Variants in SPEF2 observed in about 807,000 individuals in gnomAD.
SPEF2 encodes sperm flagella and cilia-associated protein 2.
In SPEF2, 187 loss-of-function variants were observed where a neutral mutation model predicts 224.6. The ratio of observed to expected loss-of-function variants is 0.83; its 90% CI spans 0.74 to 0.94. The LOEUF (loss-of-function observed/expected upper bound fraction) is 0.94. Ranked by LOEUF, SPEF2 falls within the 40% of genes least tolerant of loss-of-function variation. SPEF2 has a pLI of 0.00. For missense variants in SPEF2, 2,170 were observed against 2,135.6 expected, an observed-to-expected ratio of 1.02 and a Z score of -0.32; for synonymous variants, 715 against 707.3, an observed-to-expected ratio of 1.01 and a Z score of -0.17.
rs544106759 is a variant in SPEF2, at chr5:35,749,203, C to T, written c.3331-4421C>T. Among the ~76,000 whole-genome samples the T allele has an allele frequency of 1.4e-4, 22 of 152,200 alleles. 1 individual carries two copies. The East Asian group carries it at 3.7e-3, about 25-fold the overall frequency. On this transcript the variant is annotated intron_variant, in intron 23 of 36. Coordinates refer to ENST00000356031, the MANE Select transcript of SPEF2 (RefSeq NM_024867.4). ...AAATTGGCATACAAGGGACATATCT[C>T]AATGTAATAAAAGCCATCTATGACA...
At chr5:35,627,892 A>C (rs2149368266) in intron 1 of SPEF2, among the ~76,000 whole-genome samples, 1 of 152,232 alleles carries the variant, frequency 6.6e-6, no homozygotes, top group Non-Finnish European at 1.5e-5. Context: ...ATCTCTCAGT[A>C]ATTGCATAGG....
At chr5:35,727,602 A>T in intron 20 of SPEF2, 73 bp from the exon 21 acceptor site, 2 of 1,277,946 alleles carry the variant, frequency 1.6e-6, no homozygotes, top group Non-Finnish European at 1.1e-6. Context: ...TGGTAATTAT[A>T]GATGTATTCA....
rs73080219 is a variant in SPEF2, at chr5:35,649,664, G to C, written c.791+239G>C. 7.0e-3 allele frequency among the ~76,000 whole-genome samples: 1,067 copies of C among 152,268 alleles called. 15 individuals carry two copies. Among genetic ancestry groups the C allele is most frequent in the African/African-American group, 0.025 (1,033 of 41,560 alleles). On this transcript the variant is annotated intron_variant, in intron 6 of 36. Coordinates refer to ENST00000356031, the MANE Select transcript of SPEF2 (RefSeq NM_024867.4). ...ATGTAAAGTTGATTTATTTTTCTGTGCTATGTTTATTCTTCTAAGTTCACA... is the reference window on the plus strand; with the variant it reads ...ATGTAAAGTTGATTTATTTTTCTGTCCTATGTTTATTCTTCTAAGTTCACA...
chr5:35,710,812 T>A (rs1740959273), intron 19 of SPEF2: 1 of 985,036 alleles, frequency 1.0e-6, no homozygotes, highest in Non-Finnish European at 1.2e-6. Context: ...TCTTGAATAC[T>A]GTGCATTGAA....
chr5:35,631,947 A>G (rs1046099783), intron 2 of SPEF2, among the ~76,000 whole-genome samples: 1 of 152,186 alleles, frequency 6.6e-6, no homozygotes, highest in Non-Finnish European at 1.5e-5. Context: ...CAAATACTAT[A>G]CTGTCTTATG....
At chr5:35,793,117 A>G (rs780045840) in intron 31 of SPEF2, 42 bp from the exon 32 acceptor site, 2 of 1,561,418 alleles carry the variant, frequency 1.3e-6, no homozygotes, top group Non-Finnish European at 1.8e-6. Context: ...ATCAAGATAG[A>G]TTCATGTAGA....
At chr5:35,707,610 T>A (rs569259027) in intron 18 of SPEF2, among the ~76,000 whole-genome samples, 7 of 152,036 alleles carry the variant, frequency 4.6e-5, no homozygotes, top group East Asian at 3.9e-4. Flanking sequence ...GCCTCTGCAG[T>A]GTGAAGGGAT....
At chr5:35,625,369 A>T (rs556255828) in intron 1 of SPEF2, among the ~76,000 whole-genome samples, 11 of 152,316 alleles carry the variant, frequency 7.2e-5, no homozygotes, top group African/African-American at 2.6e-4. Context: ...TTTTGTAGAA[A>T]ATGGTTTGTT....
intron 18 of SPEF2, among the ~76,000 whole-genome samples, chr5:35,708,237 T>C (rs1196239711): frequency 6.6e-6 from 1 of 152,136 alleles, no homozygotes; most frequent in Non-Finnish European, 1.5e-5. Flanking sequence ...TGAAGATGTA[T>C]GTACTGTGCA....
intron 32 of SPEF2, among the ~76,000 whole-genome samples, chr5:35,793,759 C>T (rs2131983): frequency 0.16 from 23,240 of 141,640 alleles, 4,143 homozygotes; most frequent in African/African-American, 0.26. Flanking sequence ...CACACACACA[C>T]ACACACACAG....
At position 35,628,553 on chromosome 5, in the gene SPEF2, T is replaced by G; in HGVS notation, c.152T>G (p.Leu51Trp). The G allele has an allele frequency of 6.2e-7, 1 of 1,607,864 alleles. No individual in the cohort carries two copies. The highest frequency in any genetic ancestry group is 8.5e-7 in the Non-Finnish European group (1 of 1,174,502). ...FELQDDFSEF[L>W]DSRVSSAKLN... ...CTTCAGGATGATTTTTCAGAATTTT[T>G]GGACAGCAGGTTAGTGAGATTATTC... is the stretch of plus-strand genomic sequence containing the variant. The change falls in exon 2 of 37, where the codon TTG (leucine) becomes TGG (tryptophan). Residue 51 changes from leucine (L) to tryptophan (W), a missense_variant. By Grantham distance (61) the Leu-to-Trp change is moderately conservative. Transcript: ENST00000356031.
intron 21 of SPEF2, among the ~76,000 whole-genome samples, chr5:35,731,667 A>G (rs1283126598): frequency 6.6e-6 from 1 of 152,218 alleles, no homozygotes; most frequent in Non-Finnish European, 1.5e-5. Context: ...GCAAATTACT[A>G]GGCTCCTCTC....
At chr5:35,627,546 C>T (rs949236352) in intron 1 of SPEF2, among the ~76,000 whole-genome samples, 1 of 151,982 alleles carries the variant, frequency 6.6e-6, no homozygotes, top group African/African-American at 2.4e-5. Context: ...GGTTGTAGAT[C>T]AGGCCACTGC....
rs149985235 is a variant in SPEF2 at position 35,780,358 on chromosome 5, G to T, written c.4447+1012G>T. Among the ~76,000 whole-genome samples the T allele has an allele frequency of 5.3e-5, 8 of 152,286 alleles. No individual in the cohort carries two copies. The East Asian group carries it at 1.5e-3, about 29-fold the overall frequency. Reference sequence around the variant, plus strand: ...AGCTTCCTTGCCAAGCCCAATAGGTGAAATTGGTGTATGTGTGTGTGCCTG... The same window carrying T: ...AGCTTCCTTGCCAAGCCCAATAGGTTAAATTGGTGTATGTGTGTGTGCCTG... On this transcript the variant is annotated intron_variant, in intron 30 of 36. Transcript: ENST00000356031.
At chr5:35,784,800 A>G (rs1418321192) in intron 30 of SPEF2, among the ~76,000 whole-genome samples, 1 of 152,042 alleles carries the variant, frequency 6.6e-6, no homozygotes, top group Non-Finnish European at 1.5e-5. Flanking sequence ...AGGATTTTCA[A>G]AGGCATTTAG....
intron 10 of SPEF2, among the ~76,000 whole-genome samples, chr5:35,687,101 A>G (rs180761964): frequency 3.3e-4 from 50 of 152,178 alleles, no homozygotes; most frequent in Non-Finnish European, 4.4e-5. Flanking sequence ...ATGCTGTTAG[A>G]TTTCTTGTTT....
At chr5:35,790,107 G>A (rs969343499) in intron 30 of SPEF2, 10 of 702,690 alleles carry the variant, frequency 1.4e-5, no homozygotes, top group South Asian at 3.0e-5. Flanking sequence ...GACACTAGTC[G>A]ACCTAGTGTT....
rs777203233 is a variant in SPEF2, at chr5:35,776,409, T to C, written c.4217+14T>C. The C allele has an allele frequency of 1.7e-5, 27 of 1,590,472 alleles. No individual in the cohort carries two copies. In the Admixed American group the frequency reaches 3.8e-4, roughly 22 times the overall value. On this transcript the variant is annotated intron_variant, in intron 29 of 36. Coordinates refer to ENST00000356031, the MANE Select transcript of SPEF2 (RefSeq NM_024867.4). ...TGAAATGGCCAGGTAAAGTACTACATGACTTTCTGAAAATATGCTTTGTGT... is the reference window on the plus strand; with the variant it reads ...TGAAATGGCCAGGTAAAGTACTACACGACTTTCTGAAAATATGCTTTGTGT...
At chr5:35,798,380 A>G in intron 33 of SPEF2, among the ~76,000 whole-genome samples, 1 of 152,094 alleles carries the variant, frequency 6.6e-6, no homozygotes, top group South Asian at 2.1e-4. Flanking sequence ...CAAGCATGCA[A>G]GGCCTGCCCC....
Sources: allele counts gnomAD v4.1 joint callset (sites outside exome capture counted in the v4.1 genomes callset), GRCh38; gene constraint gnomAD v4.1.1; transcripts MANE v1.5; gene names NCBI Gene and HGNC (gene_info 2026-07-23, HGNC 2026-07-21).